KIRREL3: variants seen among roughly 807,000 people sequenced by gnomAD.
The protein encoded by KIRREL3 is kirre like nephrin family adhesion molecule 3, also known as kin of IRRE-like protein 3.
In KIRREL3, 36 loss-of-function variants were observed where a neutral mutation model predicts 89.7. The observed-to-expected ratio is 0.40, with a 90% CI of 0.31 to 0.53. The LOEUF (loss-of-function observed/expected upper bound fraction) is 0.53. Ranked by LOEUF, KIRREL3 falls within the 20% of genes least tolerant of loss-of-function variation. The pLI, the probability that KIRREL3 is intolerant of heterozygous loss-of-function variation, is 0.49. For missense variants in KIRREL3, 864 were observed against 1,056.6 expected (o/e 0.82, Z 2.53); for synonymous variants, 445 against 441.4 (o/e 1.01, Z -0.10).
rs774766782 is a variant in KIRREL3 at position 126,562,817 on chromosome 11, G to A, written c.133+18C>T. The A allele has an allele frequency of 1.2e-6, 2 of 1,607,520 alleles. No individual in the cohort carries two copies. Among genetic ancestry groups the A allele is most frequent in the Non-Finnish European group, 8.5e-7 (1 of 1,174,066 alleles). ...CCCTCCAGATTACTCCCGAGACAAT[G>A]GGGAGGTTCTCACTGACCTTCATTC... On this transcript the variant is annotated intron_variant, in intron 2 of 16. Coordinates refer to ENST00000525144, the MANE Select transcript of KIRREL3 (RefSeq NM_032531.4). This position sits in a 1 kb window ranked among gnomAD's most constrained non-coding sequence, Gnocchi z 4.7.
chr11:126,552,950 A>C (rs376834830), intron 2 of KIRREL3, among the ~76,000 whole-genome samples: 3 of 152,198 alleles, frequency 2.0e-5, no homozygotes, highest in African/African-American at 7.2e-5. Flanking sequence ...CAAGAATTGC[A>C]TAGTTATCTA....
At chr11:126,919,614 C>T (rs1043079840) in intron 1 of KIRREL3, among the ~76,000 whole-genome samples, 3 of 152,228 alleles carry the variant, frequency 2.0e-5, no homozygotes, top group African/African-American at 4.8e-5. Context: ...GCTTAAGCTG[C>T]AGTGGCCAAG....
intron 1 of KIRREL3, among the ~76,000 whole-genome samples, chr11:126,901,666 A>G (rs1270019489): frequency 6.6e-6 from 1 of 152,238 alleles, no homozygotes; most frequent in Non-Finnish European, 1.5e-5. Context: ...TAAAGCCATC[A>G]TATATGATGT....
intron 1 of KIRREL3, among the ~76,000 whole-genome samples, chr11:126,810,049 TTTGGGAAAGG>T: frequency 6.6e-6 from 1 of 152,164 alleles, no homozygotes; most frequent in East Asian, 1.9e-4. Flanking sequence ...CCCAATTTGG[TTTGGGAAAGG>T]CAGCGTGTTG....
In KIRREL3 at chr11:126,995,105, A is replaced by C. The variant is rs1240679299; in HGVS notation, c.55+5350T>G. ...GATGAAGCGATTACAACCTGGGCGC[A>C]GTATACTGGCTGGCTTTGCTGCTCA... On this transcript the variant is annotated intron_variant, in intron 1 of 16. Coordinates refer to ENST00000525144, the MANE Select transcript of KIRREL3 (RefSeq NM_032531.4). The surrounding 1 kb of genome is among the most constrained non-coding windows in gnomAD (Gnocchi z 6.5). The C allele has an allele frequency of 2.3e-6, 1 of 437,140 alleles. No homozygotes were observed. Among genetic ancestry groups the C allele is most frequent in the Admixed American group, 2.4e-5 (1 of 41,006 alleles). 27.1% of individuals were successfully genotyped at this position (437,140 alleles called of 1,614,324 possible).
chr11:126,721,260 G>A (rs1287562096), intron 1 of KIRREL3, among the ~76,000 whole-genome samples: 1 of 152,190 alleles, frequency 6.6e-6, no homozygotes, highest in Non-Finnish European at 1.5e-5. Flanking sequence ...GCCGGGCATG[G>A]TGGCTCATGC....
Position 126,595,665 on chromosome 11 carries a change from A to G in KIRREL3, c.56-32753T>C, listed in dbSNP as rs1942358052. Among the ~76,000 whole-genome samples, 3 of 152,276 alleles carry G rather than the reference A, an allele frequency of 2.0e-5. 1 individual carries two copies. The South Asian group carries it at 6.2e-4, about 32-fold the overall frequency. On this transcript the variant is annotated intron_variant, in intron 1 of 16. Transcript: ENST00000525144. The stretch of plus-strand genomic sequence containing the variant: ...GCCACACAGCTAGTCAGTGGCAGAG[A>G]TAGGACTAGAATGAGTTCTTTTTCT...
At chr11:126,882,412 A>G (rs1480803842) in intron 1 of KIRREL3, among the ~76,000 whole-genome samples, 1 of 152,156 alleles carries the variant, frequency 6.6e-6, no homozygotes, top group African/African-American at 2.4e-5. Context: ...TGGTTAACTG[A>G]ACTAGCAACA....
At chr11:126,815,227 A>G (rs1182092863) in intron 1 of KIRREL3, among the ~76,000 whole-genome samples, 1 of 152,136 alleles carries the variant, frequency 6.6e-6, no homozygotes, top group Non-Finnish European at 1.5e-5. Context: ...AGCACACGAT[A>G]TTTCTGGATT....
Position 126,891,115 on chromosome 11 carries a change from T to TA in KIRREL3, c.55+109339dup, listed in dbSNP as rs1299568538. ...TTTGAAGCTACCTTTATTAATTCAG[T>TA]ACCTAGCTTCTGCATTTAATGGCAC... On this transcript the variant is annotated intron_variant, in intron 1 of 16. Coordinates refer to ENST00000525144, the MANE Select transcript of KIRREL3 (RefSeq NM_032531.4). This position sits in a 1 kb window ranked among gnomAD's most constrained non-coding sequence, Gnocchi z 5.1. Among the ~76,000 whole-genome samples the TA allele has an allele frequency of 2.6e-5, 4 of 152,224 alleles. No homozygotes were observed. Among genetic ancestry groups the TA allele is most frequent in the African/African-American group, 9.6e-5 (4 of 41,458 alleles).
chr11:126,746,623 T>C (rs1949160831), intron 1 of KIRREL3, among the ~76,000 whole-genome samples: 1 of 152,164 alleles, frequency 6.6e-6, no homozygotes, highest in Admixed American at 6.5e-5. Flanking sequence ...TGAGCTTGAT[T>C]CTGGTCCCCC....
rs1226754430 is a variant in KIRREL3, at chr11:126,999,436, G to A, written c.55+1019C>T. On this transcript the variant is annotated intron_variant, in intron 1 of 16. Transcript: ENST00000525144. The surrounding 1 kb of genome is among the most constrained non-coding windows in gnomAD (Gnocchi z 5.7). ...ACCCATGGCAGTGCTTTGCTTTCTC[G>A]AAAACTTTTACCCTTCATTTAATCA... Among the ~76,000 whole-genome samples, 3 of 152,218 alleles carry A rather than the reference G, an allele frequency of 2.0e-5. No homozygotes were observed. The highest frequency in any genetic ancestry group is 4.8e-5 in the African/African-American group (2 of 41,456).
At chr11:126,505,075 G>C (rs1957979558) in intron 4 of KIRREL3, among the ~76,000 whole-genome samples, 1 of 152,186 alleles carries the variant, frequency 6.6e-6, no homozygotes, top group Non-Finnish European at 1.5e-5. Context: ...AAGATTGGAT[G>C]CTTTCCCCTA....
chr11:126,856,286 C>T (rs1041913323), intron 1 of KIRREL3, among the ~76,000 whole-genome samples: 4 of 152,192 alleles, frequency 2.6e-5, no homozygotes, highest in East Asian at 1.9e-4. Flanking sequence ...CTGTCTACCT[C>T]TCAGCTTTGC....
At position 126,739,232 on chromosome 11, in the gene KIRREL3, C is replaced by T. The variant is rs569267318; in HGVS notation, c.56-176320G>A. Reference sequence around the variant, plus strand: ...ACTGATGTGAATTTCTAGCCTTCTGCATATGACTTGCCCACAGAGCATTAG... The same window carrying T: ...ACTGATGTGAATTTCTAGCCTTCTGTATATGACTTGCCCACAGAGCATTAG... On this transcript the variant is annotated intron_variant, in intron 1 of 16. Coordinates refer to ENST00000525144, the MANE Select transcript of KIRREL3 (RefSeq NM_032531.4). The surrounding 1 kb of genome is among the most constrained non-coding windows in gnomAD (Gnocchi z 5.5). Among the ~76,000 whole-genome samples, 1 of 152,362 alleles carries T rather than the reference C, an allele frequency of 6.6e-6. No homozygotes were observed. The highest frequency in any genetic ancestry group is 2.1e-4 in the South Asian group (1 of 4,828).
At chr11:126,979,971 AC>A (rs945823806) in intron 1 of KIRREL3, among the ~76,000 whole-genome samples, 8 of 152,210 alleles carry the variant, frequency 5.3e-5, no homozygotes, top group Admixed American at 2.6e-4. Flanking sequence ...TATAGGACTT[AC>A]CATTGAGTTG....
At chr11:126,718,520 A>G (rs1948054551) in intron 1 of KIRREL3, among the ~76,000 whole-genome samples, 1 of 152,242 alleles carries the variant, frequency 6.6e-6, no homozygotes, top group Non-Finnish European at 1.5e-5. Flanking sequence ...TTTAAGCAGC[A>G]TTAGCAGCAG....
At position 126,551,250 on chromosome 11, in the gene KIRREL3, C is replaced by T. The variant is rs888496828; in HGVS notation, c.133+11585G>A. On this transcript the variant is annotated intron_variant, in intron 2 of 16. Coordinates refer to ENST00000525144, the MANE Select transcript of KIRREL3 (RefSeq NM_032531.4). The surrounding 1 kb of genome is among the most constrained non-coding windows in gnomAD (Gnocchi z 4.9). The stretch of plus-strand genomic sequence containing the variant: ...TTGGGTTTTCATGGAAGCATTCCTT[C>T]CCCTAGGGTGTGAGGCGGGACTCTC... Among the ~76,000 whole-genome samples, 14 of 152,226 alleles carry T rather than the reference C, an allele frequency of 9.2e-5. No homozygotes were observed. Among genetic ancestry groups the T allele is most frequent in the Admixed American group, 7.8e-4 (12 of 15,294 alleles).
intron 1 of KIRREL3, among the ~76,000 whole-genome samples, chr11:126,841,103 A>G (rs975115809): frequency 3.9e-5 from 6 of 152,238 alleles, no homozygotes; most frequent in African/African-American, 1.4e-4. Flanking sequence ...ATGTATGGAT[A>G]GGAAAGAACA....
Sources: gnomAD v4.1 joint callset for allele counts (sites outside exome capture counted in the v4.1 genomes callset) on GRCh38, gnomAD v4.1.1 for gene constraint, Gnocchi (gnomAD v3.1) non-coding constraint, MANE v1.5 for transcripts, NCBI Gene and HGNC (gene_info 2026-07-23, HGNC 2026-07-21) for gene names.